The following EIF3J variants were observed in gnomAD, a reference collection of about 807,000 sequenced individuals.
EIF3J encodes eukaryotic translation initiation factor 3 subunit J, also known as eukaryotic translation initiation factor 3, subunit 1 (alpha, 35kD).
In EIF3J, 15 loss-of-function variants were observed where a neutral mutation model predicts 39.0. That is an observed-to-expected ratio of 0.38 (90% CI 0.26 to 0.59). The LOEUF is 0.59. Among genes scored for constraint, EIF3J ranks in the 20% least tolerant of loss-of-function variants. The pLI is 0.60. For missense variants in EIF3J, 226 were observed against 308.6 expected (o/e 0.73, Z 2.00); for synonymous variants, 98 against 112.9 (o/e 0.87, Z 0.84).
chr15:44,546,703 C>T (rs983074831), intron 2 of EIF3J, among the ~76,000 whole-genome samples: 11 of 151,608 alleles, frequency 7.3e-5, no homozygotes, highest in African/African-American at 2.4e-4. Flanking sequence ...GTGTCTGTCC[C>T]TATTAAACTT....
At position 44,562,472 on chromosome 15, in the gene EIF3J, AAGAC is replaced by A. The variant is rs2082211608; in HGVS notation, c.*1327_*1330del. ...GTGGTTAGTGTTTTTTTATTCCCCTAAGACAGAAAGAACAAAAAATGTTTTAAAT... is the reference window on the plus strand; with the variant it reads ...GTGGTTAGTGTTTTTTTATTCCCCTAAGAAAGAACAAAAAATGTTTTAAAT... On this transcript the variant is annotated 3_prime_UTR_variant, in exon 8 of 8. Transcript: ENST00000261868. The A allele has an allele frequency of 6.6e-6, 1 of 152,670 alleles. No individual in the cohort carries two copies. Among genetic ancestry groups the A allele is most frequent in the Admixed American group, 6.5e-5 (1 of 15,280 alleles). The allele number at this position is 152,670 out of a possible 1,614,324, so 9.5% of individuals were successfully genotyped here.
At chr15:44,543,733 A>G (rs1456569473) in intron 2 of EIF3J, among the ~76,000 whole-genome samples, 2 of 152,150 alleles carry the variant, frequency 1.3e-5, no homozygotes, top group Non-Finnish European at 2.9e-5. Context: ...TTTTGCTACT[A>G]AAATCCATTC....
intron 2 of EIF3J, among the ~76,000 whole-genome samples, chr15:44,545,055 AG>A (rs1466196563): frequency 6.6e-6 from 1 of 152,096 alleles, no homozygotes; most frequent in Non-Finnish European, 1.5e-5. Flanking sequence ...TAAGGTGAGA[AG>A]TTTGGTAACC....
chr15:44,554,120 T>C (rs2140899717), intron 4 of EIF3J, among the ~76,000 whole-genome samples: 1 of 152,246 alleles, frequency 6.6e-6, no homozygotes, highest in East Asian at 1.9e-4. Flanking sequence ...CTCACACCTG[T>C]AATCCCAACA....
intron 2 of EIF3J, among the ~76,000 whole-genome samples, chr15:44,549,138 A>G (rs1374422608): frequency 6.6e-6 from 1 of 152,090 alleles, no homozygotes; most frequent in East Asian, 1.9e-4. Context: ...TCATGCCTGT[A>G]CTCCCAGCAC....
At chr15:44,548,374 C>T (rs1338256206) in intron 2 of EIF3J, among the ~76,000 whole-genome samples, 1 of 152,140 alleles carries the variant, frequency 6.6e-6, no homozygotes, top group Non-Finnish European at 1.5e-5. Flanking sequence ...GAGATCGCGC[C>T]ATTGCACTCC....
At chr15:44,539,316 G>T (rs1462962819) in intron 2 of EIF3J, among the ~76,000 whole-genome samples, 2 of 150,572 alleles carry the variant, frequency 1.3e-5, no homozygotes, top group Admixed American at 1.3e-4. Flanking sequence ...GTGAGCTACC[G>T]TACCCAGCCT....
chr15:44,543,447 C>T (rs1425089566), intron 2 of EIF3J, among the ~76,000 whole-genome samples: 14 of 137,226 alleles, frequency 1.0e-4, no homozygotes, highest in Non-Finnish European at 1.5e-4. Context: ...GATGGAGTTT[C>T]GCTGTCTCCA....
At chr15:44,559,641 A>G (rs1198501103) in intron 6 of EIF3J, among the ~76,000 whole-genome samples, 1 of 151,678 alleles carries the variant, frequency 6.6e-6, no homozygotes, top group Non-Finnish European at 1.5e-5. Flanking sequence ...CGGGAGGCGC[A>G]GGTTGCAGTG....
rs765601047 is a variant in EIF3J at position 44,550,948 on chromosome 15, C to T, written c.202+18C>T. The stretch of plus-strand genomic sequence containing the variant: ...AAAACCAGGTGAGCCACTGGGGCGC[C>T]TCCATTTTTGTTTTTATGTCTTGCT... On this transcript the variant is annotated intron_variant, in intron 3 of 7. Transcript: ENST00000261868. 1.3e-6 allele frequency: 2 copies of T among 1,599,472 alleles called. No homozygotes were observed. Among genetic ancestry groups the T allele is most frequent in the Non-Finnish European group, 8.5e-7 (1 of 1,172,832 alleles).
At chr15:44,560,530 T>A (rs2082182965) in intron 7 of EIF3J, 1 of 519,676 alleles carries the variant, frequency 1.9e-6, no homozygotes, top group Non-Finnish European at 3.3e-6. Context: ...TAGAAATTGC[T>A]GAAATCACAG....
intron 6 of EIF3J, 48 bp from the exon 7 acceptor site, chr15:44,560,200 CA>C (rs764554712): frequency 1.3e-6 from 2 of 1,529,052 alleles, no homozygotes; most frequent in South Asian, 2.4e-5. Context: ...TTTAACTTTT[CA>C]AAATGCTTAA....
intron 2 of EIF3J, among the ~76,000 whole-genome samples, chr15:44,543,006 C>G (rs896939558): frequency 2.0e-5 from 3 of 152,120 alleles, no homozygotes; most frequent in Admixed American, 6.6e-5. Flanking sequence ...TTAGCTGTTT[C>G]TCTAGGAAGC....
intron 5 of EIF3J, 95 bp downstream of exon 5, chr15:44,554,762 A>G (rs1228278674): frequency 2.9e-6 from 2 of 693,614 alleles, no homozygotes; most frequent in Non-Finnish European, 4.7e-6. Flanking sequence ...AAAGAAACAT[A>G]CTGGCTAATG....
intron 5 of EIF3J, among the ~76,000 whole-genome samples, chr15:44,555,324 A>AG (rs1396023737): frequency 1.3e-5 from 2 of 152,218 alleles, no homozygotes; most frequent in Non-Finnish European, 2.9e-5. Flanking sequence ...TTTTCAGAGT[A>AG]GAAGATCATG....
At position 44,537,187 on chromosome 15, in the gene EIF3J, G is replaced by A. The variant is rs1419888098; in HGVS notation, c.-8G>A. On this transcript the variant is annotated 5_prime_UTR_variant, in exon 1 of 8. Transcript: ENST00000261868. The stretch of plus-strand genomic sequence containing the variant: ...CTCCCTCTCACACACGCTCACACCC[G>A]GCTCGAGATGGCGGCGGCGGCGGCG... 6.2e-7 allele frequency: 1 copy of A among 1,610,238 alleles called. No homozygotes were observed.
intron 2 of EIF3J, among the ~76,000 whole-genome samples, chr15:44,539,725 T>C (rs1164638770): frequency 6.7e-6 from 1 of 148,894 alleles, no homozygotes; most frequent in African/African-American, 2.5e-5. Flanking sequence ...GTGCTAAATT[T>C]CTTTTTCTTT....
intron 5 of EIF3J, among the ~76,000 whole-genome samples, chr15:44,555,992 G>A (rs1241328585): frequency 6.6e-6 from 1 of 152,086 alleles, no homozygotes. Flanking sequence ...AAGTAGCTGG[G>A]ACTACAGGCG....
rs749884632 is a variant in EIF3J, at chr15:44,557,506, T to C, written c.427T>C (p.Tyr143His). ...TCCTACAGGTGTTAATAATGCAGTT[T>C]ATGGAATAGATGCTATGAACCCATC... ...KETFGVNNAV[Y>H]GIDAMNPSSR... is the part of the protein sequence containing the mutation. The change falls in exon 6 of 8, where the codon TAT becomes CAT. Residue 143 changes from tyrosine (Y) to histidine (H), a missense_variant. Tyr to His is a moderately conservative substitution (Grantham distance 83, BLOSUM62 2). Around this residue, in one of 2 missense-constraint regions of EIF3J, gnomAD observed 83 missense variants for 152.6 expected, o/e 0.54. Transcript: ENST00000261868. 1 of 1,534,028 alleles carries C rather than the reference T, an allele frequency of 6.5e-7. No individual in the cohort carries two copies. Among genetic ancestry groups the C allele is most frequent in the Admixed American group, 2.3e-5 (1 of 43,900 alleles).
Sources: gnomAD v4.1 joint callset for allele counts (sites outside exome capture counted in the v4.1 genomes callset) on GRCh38, gnomAD v4.1.1 for gene constraint, gnomAD v4.1.1 regional missense constraint, MANE v1.5 for transcripts, NCBI Gene and HGNC (gene_info 2026-07-23, HGNC 2026-07-21) for gene names.